Variants in CTPS1 observed in about 807,000 individuals in gnomAD.
CTPS1 encodes CTP synthetase 1.
A neutral mutation model predicts 80.5 loss-of-function variants in CTPS1; 25 were observed. That is an observed-to-expected ratio of 0.31 (90% confidence interval 0.23 to 0.43). CTPS1 has a LOEUF of 0.43. Ranked by LOEUF, CTPS1 falls within the 20% of genes least tolerant of loss-of-function variation. The pLI is 1.00. For missense variants in CTPS1, 442 were observed against 725.7 expected (o/e 0.61, Z 4.49); for synonymous variants, 267 against 252.5 (o/e 1.06, Z -0.54).
intron 5 of CTPS1, among the ~76,000 whole-genome samples, chr1:40,989,991 C>T (rs1418788178): frequency 6.6e-6 from 1 of 152,044 alleles, no homozygotes; most frequent in Non-Finnish European, 1.5e-5. Flanking sequence ...AATAGGAGTT[C>T]CAAAAAATAA....
chr1:40,986,937 C>G (rs377569926), intron 3 of CTPS1, among the ~76,000 whole-genome samples: 1 of 152,212 alleles, frequency 6.6e-6, no homozygotes, highest in African/African-American at 2.4e-5. Context: ...TGTGCTGGCT[C>G]ACTGCAGTGG....
intron 1 of CTPS1, 46 bp downstream of exon 1, chr1:40,979,875 A>T (rs1386327036): frequency 1.3e-5 from 2 of 152,130 alleles, no homozygotes; most frequent in Non-Finnish European, 2.9e-5. Context: ...TCTCCCGCGC[A>T]GGAGTCAGCG....
At chr1:40,995,054 C>A (rs1384852996) in intron 7 of CTPS1, among the ~76,000 whole-genome samples, 1 of 152,154 alleles carries the variant, frequency 6.6e-6, no homozygotes, top group East Asian at 1.9e-4. Flanking sequence ...CCACAAGATC[C>A]TAATTCAAGT....
intron 10 of CTPS1, chr1:41,001,490 A>G (rs1015151781): frequency 7.8e-6 from 2 of 254,992 alleles, no homozygotes. Context: ...GTTGAATATT[A>G]CGGAGGTGTA....
intron 9 of CTPS1, among the ~76,000 whole-genome samples, chr1:41,000,371 T>G (rs1381148378): frequency 6.6e-6 from 1 of 151,976 alleles, no homozygotes; most frequent in African/African-American, 2.4e-5. Flanking sequence ...GCCTCTTGGG[T>G]AGCTGGGACT....
intron 5 of CTPS1, among the ~76,000 whole-genome samples, chr1:40,989,706 C>T (rs1642552738): frequency 6.6e-6 from 1 of 151,740 alleles, no homozygotes; most frequent in Admixed American, 6.6e-5. Context: ...AAAAAAACAC[C>T]AAAAAACCAA....
At chr1:40,987,900 G>T (rs925532902) in intron 4 of CTPS1, among the ~76,000 whole-genome samples, 1 of 152,158 alleles carries the variant, frequency 6.6e-6, no homozygotes, top group Non-Finnish European at 1.5e-5. Flanking sequence ...AAAAGTTCCA[G>T]CAGTTTGTTT....
At position 40,997,817 on chromosome 1, in the gene CTPS1, A is replaced by G. The variant is rs146768147; in HGVS notation, c.1005+291A>G. 7.0e-4 allele frequency among the ~76,000 whole-genome samples: 106 copies of G among 152,322 alleles called. No individual in the cohort carries two copies. In the East Asian group the frequency reaches 0.015, roughly 21 times the overall value. On this transcript the variant is annotated intron_variant, in intron 9 of 18. Coordinates refer to ENST00000650070, the MANE Select transcript of CTPS1 (RefSeq NM_001905.4). ...AAAATGCCCTGTGGAAATGGGGACC[A>G]CTGATGGACCACAGGCATGCTGCAC...
intron 9 of CTPS1, among the ~76,000 whole-genome samples, chr1:41,000,408 ATT>A (rs549386080): frequency 5.2e-5 from 7 of 134,378 alleles, no homozygotes; most frequent in Admixed American, 7.6e-5. Flanking sequence ...ACACCCAGCT[ATT>A]TTTTTTTTTT....
intron 4 of CTPS1, 100 bp downstream of exon 4, chr1:40,987,572 A>C (rs947118253): frequency 1.2e-6 from 1 of 844,546 alleles, no homozygotes; most frequent in Non-Finnish European, 2.0e-6. Flanking sequence ...TGGCCTTCCT[A>C]TCTCTGGTGC....
intron 3 of CTPS1, among the ~76,000 whole-genome samples, chr1:40,986,366 A>G (rs920928040): frequency 6.6e-6 from 1 of 152,226 alleles, no homozygotes; most frequent in African/African-American, 2.4e-5. Context: ...GGCATAGCTA[A>G]GGCAGAGTGA....
At chr1:40,987,624 A>G (rs1642489476) in intron 4 of CTPS1, 152 bp downstream of exon 4, 7 of 646,158 alleles carry the variant, frequency 1.1e-5, no homozygotes, top group African/African-American at 1.8e-5. Context: ...GTTAACAGTC[A>G]TGTGGAATGG....
At chr1:40,990,894 C>T (rs1024875966) in intron 5 of CTPS1, among the ~76,000 whole-genome samples, 5 of 152,156 alleles carry the variant, frequency 3.3e-5, no homozygotes, top group African/African-American at 1.2e-4. Flanking sequence ...AGAAGTAGCA[C>T]ACCAGCAAGA....
At chr1:40,983,653 C>T (rs1247657705) in intron 2 of CTPS1, among the ~76,000 whole-genome samples, 197 bp downstream of exon 2, 1 of 150,762 alleles carries the variant, frequency 6.6e-6, no homozygotes. Context: ...GACAGGATCC[C>T]ACTCTGTCCC....
In CTPS1 at chr1:41,002,342, G is replaced by A. The variant is rs986159738; in HGVS notation, c.1189+88G>A. ...TGGGAGCCTATGAACAAAGTGGGGG[G>A]ATTACTGAAACATGCTGTCTTTGTG... On this transcript the variant is annotated intron_variant, in intron 11 of 18. Coordinates refer to ENST00000650070, the MANE Select transcript of CTPS1 (RefSeq NM_001905.4). 7 of 1,038,302 alleles carry A rather than the reference G, an allele frequency of 6.7e-6. No individual in the cohort carries two copies. The African/African-American group carries it at 1.1e-4, about 16-fold the overall frequency. The allele number at this position is 1,038,302 out of a possible 1,614,324, so 64.3% of individuals were successfully genotyped here.
Position 41,007,326 on chromosome 1 carries a change from C to T in CTPS1, c.1297-123C>T. ...CATTTTCTTCTGTGACAAAATGTCT[C>T]ATAAGGAAAGCCTGGAGAATTAGAG... On this transcript the variant is annotated intron_variant, in intron 13 of 18. Coordinates refer to ENST00000650070, the MANE Select transcript of CTPS1 (RefSeq NM_001905.4). This position sits in a 1 kb window ranked among gnomAD's most constrained non-coding sequence, Gnocchi z 4.4. 1.3e-6 allele frequency: 1 copy of T among 793,158 alleles called. No individual in the cohort carries two copies. The highest frequency in any genetic ancestry group is 2.0e-6 in the Non-Finnish European group (1 of 491,670). The allele number at this position is 793,158 out of a possible 1,614,324, so 49.1% of individuals were successfully genotyped here.
intron 11 of CTPS1, 77 bp from the exon 12 acceptor site, chr1:41,003,037 C>T (rs1377759404): frequency 2.7e-5 from 38 of 1,412,054 alleles, no homozygotes; most frequent in Non-Finnish European, 3.8e-5. Context: ...ACACAAAGGC[C>T]ATTGCAGAGG....
At chr1:40,988,468 C>A in intron 4 of CTPS1, 126 bp from the exon 5 acceptor site, 1 of 651,714 alleles carries the variant, frequency 1.5e-6, no homozygotes, top group Non-Finnish European at 2.8e-6. Flanking sequence ...TAACATTATA[C>A]AGGGTTAGAG....
chr1:41,001,399 C>T (rs996834625), intron 10 of CTPS1: 11 of 308,584 alleles, frequency 3.6e-5, no homozygotes, highest in Non-Finnish European at 6.7e-5. Flanking sequence ...GAGTACCCAT[C>T]AGTAGAGTCT....
Sources: gnomAD v4.1 joint callset for allele counts (sites outside exome capture counted in the v4.1 genomes callset) on GRCh38, gnomAD v4.1.1 for gene constraint, Gnocchi (gnomAD v3.1) non-coding constraint, MANE v1.5 for transcripts, NCBI Gene and HGNC (gene_info 2026-07-23, HGNC 2026-07-21) for gene names.